Variants in CHRM3 observed in about 807,000 individuals in gnomAD.
CHRM3 encodes the protein cholinergic receptor muscarinic 3.
CHRM3 carries 11 observed loss-of-function variants against 41.8 expected under a neutral mutation model. The observed-to-expected ratio is 0.26, with a 90% confidence interval of 0.17 to 0.44. The LOEUF is 0.44. Ranked by LOEUF, CHRM3 falls within the 20% of genes least tolerant of loss-of-function variation. The pLI is 1.00. For missense variants in CHRM3, 571 were observed against 745.4 expected (o/e 0.77, Z 2.72); for synonymous variants, 297 against 301.4 (o/e 0.99, Z 0.15).
intron 1 of CHRM3, among the ~76,000 whole-genome samples, chr1:239,458,483 C>T (rs1665120506): frequency 6.6e-6 from 1 of 151,964 alleles, no homozygotes; most frequent in Admixed American, 6.6e-5. Context: ...ATTGCTTATA[C>T]CAAAATGGAA....
intron 5 of CHRM3, among the ~76,000 whole-genome samples, chr1:239,814,785 A>G (rs61831562): frequency 0.047 from 7,112 of 151,632 alleles, 183 homozygotes; most frequent in African/African-American, 0.065. Context: ...TTTTTTATTT[A>G]TTTGTTTTCT....
chr1:239,786,129 G>A (rs1668874703), intron 5 of CHRM3, among the ~76,000 whole-genome samples: 9 of 151,996 alleles, frequency 5.9e-5, no homozygotes, highest in Admixed American at 5.9e-4. Flanking sequence ...CTCTACAGTA[G>A]CATTATCCTA....
intron 2 of CHRM3, among the ~76,000 whole-genome samples, chr1:239,526,893 G>A (rs1470824909): frequency 6.6e-6 from 1 of 152,128 alleles, no homozygotes; most frequent in African/African-American, 2.4e-5. Context: ...CTACTAGGTA[G>A]GAGGATCTCT....
chr1:239,699,067 G>A (rs1660447108), intron 5 of CHRM3, among the ~76,000 whole-genome samples: 1 of 151,970 alleles, frequency 6.6e-6, no homozygotes, highest in Admixed American at 6.6e-5. Flanking sequence ...TTAACATATT[G>A]GCATTTTTCT....
chr1:239,404,431 A>G (rs1232271507), intron 1 of CHRM3, among the ~76,000 whole-genome samples: 1 of 115,676 alleles, frequency 8.6e-6, no homozygotes, highest in African/African-American at 3.2e-5. Context: ...AGAAAGAAAG[A>G]AAGAAAGAAA....
At chr1:239,522,893 G>A (rs565796256) in intron 2 of CHRM3, among the ~76,000 whole-genome samples, 1 of 152,122 alleles carries the variant, frequency 6.6e-6, no homozygotes, top group East Asian at 1.9e-4. Context: ...TTCAGAGCTG[G>A]CAAAATCCTT....
At chr1:239,573,406 G>A (rs1183008012) in intron 3 of CHRM3, among the ~76,000 whole-genome samples, 1 of 152,044 alleles carries the variant, frequency 6.6e-6, no homozygotes, top group African/African-American at 2.4e-5. Flanking sequence ...TATGTCCCAG[G>A]GCCAAAGCCT....
intron 4 of CHRM3, among the ~76,000 whole-genome samples, chr1:239,634,949 G>GTACAAAATAATAGCT (rs1431223058): frequency 6.6e-6 from 1 of 152,182 alleles, no homozygotes; most frequent in Non-Finnish European, 1.5e-5. Flanking sequence ...TATGCTGTTA[G>GTACAAAATAATAGCT]TACAAAATAA....
intron 6 of CHRM3, among the ~76,000 whole-genome samples, chr1:239,841,772 G>A (rs1673820063): frequency 6.6e-6 from 1 of 152,190 alleles, no homozygotes; most frequent in South Asian, 2.1e-4. Flanking sequence ...TTTCCAATGG[G>A]AAGATGGCTC....
intron 5 of CHRM3, among the ~76,000 whole-genome samples, chr1:239,745,379 T>C (rs981874789): frequency 4.0e-5 from 6 of 151,796 alleles, no homozygotes; most frequent in African/African-American, 1.2e-4. Context: ...AAGTTGAAAG[T>C]GATGGTCACG....
At chr1:239,520,690 G>A (rs1310181186) in intron 2 of CHRM3, among the ~76,000 whole-genome samples, 3 of 152,132 alleles carry the variant, frequency 2.0e-5, no homozygotes, top group Non-Finnish European at 4.4e-5. Context: ...GGTATAGCAG[G>A]TGTGTCATAA....
intron 2 of CHRM3, among the ~76,000 whole-genome samples, chr1:239,527,377 AT>A (rs913282468): frequency 5.4e-5 from 8 of 149,338 alleles, no homozygotes; most frequent in Non-Finnish European, 9.0e-5. Flanking sequence ...TAAAAAAAAA[AT>A]AATTGAGGCC....
intron 5 of CHRM3, among the ~76,000 whole-genome samples, chr1:239,795,218 A>G (rs1314195447): frequency 1.3e-5 from 2 of 152,208 alleles, no homozygotes; most frequent in Non-Finnish European, 2.9e-5. Flanking sequence ...ATGAACTGAC[A>G]TAAGAAGTAG....
At chr1:239,762,127 A>T (rs548321787) in intron 5 of CHRM3, among the ~76,000 whole-genome samples, 2 of 152,116 alleles carry the variant, frequency 1.3e-5, no homozygotes, top group South Asian at 4.2e-4. Flanking sequence ...TTGAGGCAAT[A>T]GGGTAAATCC....
At chr1:239,655,167 A>G (rs144859760) in intron 4 of CHRM3, among the ~76,000 whole-genome samples, 2 of 152,336 alleles carry the variant, frequency 1.3e-5, no homozygotes, top group Non-Finnish European at 2.9e-5. Flanking sequence ...TTTGCTAATT[A>G]TAAGTTCTAT....
chr1:239,500,020 A>G (rs1281671213), intron 2 of CHRM3, among the ~76,000 whole-genome samples: 5 of 152,196 alleles, frequency 3.3e-5, no homozygotes, highest in African/African-American at 1.2e-4. Flanking sequence ...AAACATATCA[A>G]AATGGAACCT....
At chr1:239,679,836 T>C (rs1658384447) in intron 5 of CHRM3, among the ~76,000 whole-genome samples, 1 of 152,106 alleles carries the variant, frequency 6.6e-6, no homozygotes. Context: ...TCTTTCTCTG[T>C]AAATGGTCAG....
chr1:239,391,150 A>T (rs951200626), intron 1 of CHRM3, among the ~76,000 whole-genome samples: 7 of 152,204 alleles, frequency 4.6e-5, no homozygotes, highest in Admixed American at 3.9e-4. Context: ...CATAATCATC[A>T]TCATAATAGT....
At chr1:239,666,188 C>T (rs1558434624) in intron 4 of CHRM3, among the ~76,000 whole-genome samples, 1 of 118,268 alleles carries the variant, frequency 8.5e-6, no homozygotes, top group African/African-American at 3.3e-5. Flanking sequence ...CTGTTGTTGC[C>T]TGACTTTTTT....
Sources: gnomAD v4.1 joint callset for allele counts (sites outside exome capture counted in the v4.1 genomes callset) on GRCh38, gnomAD v4.1.1 for gene constraint, MANE v1.5 for transcripts, NCBI Gene and HGNC (gene_info 2026-07-23, HGNC 2026-07-21) for gene names.